CCBE1: variants seen among roughly 807,000 people sequenced by gnomAD.
The protein encoded by CCBE1 is collagen and calcium-binding EGF domain-containing protein 1.
CCBE1 carries 37 observed loss-of-function variants against 50.0 expected under a neutral mutation model. That is an observed-to-expected ratio of 0.74 (90% CI 0.57 to 0.97). The LOEUF (loss-of-function observed/expected upper bound fraction) is 0.97, where lower values mean the gene tolerates loss of function less well. CCBE1 is among the 50% of genes least tolerant of loss of function. The pLI, the probability that CCBE1 is intolerant of heterozygous loss-of-function variation, is 0.00. For synonymous variants in CCBE1, 234 were observed against 203.7 expected (o/e 1.15, Z -1.27); for missense variants, 538 against 523.8 (o/e 1.03, Z -0.26).
rs146136983 is a variant in CCBE1, at chr18:59,622,388, C to T, written c.212+74241G>A. ...GCGGGTGCCTGTAATCTCGGGATTA[C>T]AGCTACTCGGGAGGCTGAGGTAGGA... On this transcript the variant is annotated intron_variant, in intron 2 of 10. Coordinates refer to ENST00000439986, the MANE Select transcript of CCBE1 (RefSeq NM_133459.4). Among the ~76,000 whole-genome samples, 381 of 151,964 alleles carry T rather than the reference C, an allele frequency of 2.5e-3. 2 individuals carry two copies. The highest frequency in any genetic ancestry group is 8.8e-3 in the African/African-American group (363 of 41,412).
intron 2 of CCBE1, among the ~76,000 whole-genome samples, chr18:59,543,784 A>G (rs980570258): frequency 1.1e-4 from 16 of 147,462 alleles, no homozygotes; most frequent in South Asian, 2.2e-4. Flanking sequence ...GCAGTGAGCC[A>G]AGATCGCGCC....
intron 2 of CCBE1, among the ~76,000 whole-genome samples, chr18:59,653,688 A>G (rs2144671476): frequency 6.6e-6 from 1 of 152,310 alleles, no homozygotes; most frequent in South Asian, 2.1e-4. Flanking sequence ...AATAGAGTTA[A>G]AAAAAATTAA....
At chr18:59,644,682 CTG>C (rs1212847430) in intron 2 of CCBE1, among the ~76,000 whole-genome samples, 2 of 152,176 alleles carry the variant, frequency 1.3e-5, no homozygotes, top group African/African-American at 2.4e-5. Flanking sequence ...GGGGAAATGT[CTG>C]TGTGTACACA....
chr18:59,616,916 A>T (rs550598346), intron 2 of CCBE1, among the ~76,000 whole-genome samples: 2 of 152,270 alleles, frequency 1.3e-5, no homozygotes, highest in East Asian at 3.9e-4. Flanking sequence ...TTCAGCTTTC[A>T]CATCTGCTAA....
chr18:59,586,876 C>T (rs955118724), intron 2 of CCBE1, among the ~76,000 whole-genome samples: 4 of 152,154 alleles, frequency 2.6e-5, no homozygotes, highest in Non-Finnish European at 4.4e-5. Flanking sequence ...CCTGATAAAG[C>T]ATTCTGCAAA....
At position 59,535,237 on chromosome 18, in the gene CCBE1, G is replaced by A. The variant is rs572092949; in HGVS notation, c.213-54999C>T. ...GTCAACGCTGGTGAGCTGAGACTGT[G>A]CTGGAGGCTTGACAAGAAGATGGTA... On this transcript the variant is annotated intron_variant, in intron 2 of 10. Transcript: ENST00000439986. 5.3e-5 allele frequency among the ~76,000 whole-genome samples: 8 copies of A among 152,312 alleles called. No homozygotes were observed. The Middle Eastern group carries it at 0.01, about 194-fold the overall frequency.
intron 2 of CCBE1, among the ~76,000 whole-genome samples, chr18:59,529,096 C>T (rs1914944640): frequency 6.6e-6 from 1 of 152,220 alleles, no homozygotes; most frequent in Non-Finnish European, 1.5e-5. Flanking sequence ...CCACAAAGAC[C>T]ACGGCTGTTC....
At chr18:59,491,863 C>G (rs35781152) in intron 2 of CCBE1, among the ~76,000 whole-genome samples, 13,923 of 135,450 alleles carry the variant, frequency 0.1, 1,526 homozygotes, top group East Asian at 0.56. Context: ...GGTCTATTCC[C>G]CAGCTAAGGT....
At chr18:59,590,632 T>C (rs1249627062) in intron 2 of CCBE1, among the ~76,000 whole-genome samples, 2 of 152,200 alleles carry the variant, frequency 1.3e-5, no homozygotes, top group Non-Finnish European at 2.9e-5. Context: ...AACCGCATCT[T>C]AAGTTAAAAC....
intron 2 of CCBE1, among the ~76,000 whole-genome samples, chr18:59,628,833 C>T (rs2144621688): frequency 6.6e-6 from 1 of 152,274 alleles, no homozygotes; most frequent in South Asian, 2.1e-4. Context: ...TAGCTATAAC[C>T]AAAAACTCAG....
Position 59,697,405 on chromosome 18 carries a change from C to A in CCBE1, c.-63G>T, listed in dbSNP as rs1485082750. On this transcript the variant is annotated 5_prime_UTR_variant, in exon 1 of 11. Transcript: ENST00000439986. Reference sequence around the variant, plus strand: ...GTCCGGACCAAGCGTCCTGCTCCTCCGCGGCCGCCGCCGCCTTCCCTCTTC... The same window carrying A: ...GTCCGGACCAAGCGTCCTGCTCCTCAGCGGCCGCCGCCGCCTTCCCTCTTC... 6 of 1,511,404 alleles carry A rather than the reference C, an allele frequency of 4.0e-6. No individual in the cohort carries two copies. The highest frequency in any genetic ancestry group is 4.4e-6 in the Non-Finnish European group (5 of 1,131,836). 93.6% of individuals were successfully genotyped at this position (1,511,404 alleles called of 1,614,324 possible).
chr18:59,648,742 G>A (rs529159323), intron 2 of CCBE1, among the ~76,000 whole-genome samples: 3 of 152,134 alleles, frequency 2.0e-5, no homozygotes, highest in Non-Finnish European at 4.4e-5. Context: ...GCTGGAACAG[G>A]GCAACTTTTG....
At chr18:59,440,735 G>A (rs146325581) in intron 7 of CCBE1, among the ~76,000 whole-genome samples, 1 of 152,084 alleles carries the variant, frequency 6.6e-6, no homozygotes, top group Non-Finnish European at 1.5e-5. Flanking sequence ...GATGAGTTGG[G>A]GGATATGGGG....
intron 2 of CCBE1, among the ~76,000 whole-genome samples, chr18:59,693,003 C>CAA (rs1555710565): frequency 1.4e-5 from 2 of 145,970 alleles, no homozygotes; most frequent in African/African-American, 5.2e-5. Context: ...CACACACACA[C>CAA]AAACAAAAAA....
chr18:59,599,048 T>A (rs2053394347), intron 2 of CCBE1, among the ~76,000 whole-genome samples: 2 of 152,230 alleles, frequency 1.3e-5, no homozygotes, highest in Non-Finnish European at 2.9e-5. Flanking sequence ...TACTGCTACT[T>A]TTCCTCCTCC....
chr18:59,523,199 G>T (rs975240684), intron 2 of CCBE1, among the ~76,000 whole-genome samples: 1 of 151,552 alleles, frequency 6.6e-6, no homozygotes, highest in African/African-American at 2.4e-5. Context: ...CTTAAACATG[G>T]ACAGTTGAAG....
intron 2 of CCBE1, among the ~76,000 whole-genome samples, chr18:59,499,146 G>C (rs1477223916): frequency 1.3e-5 from 2 of 152,208 alleles, no homozygotes; most frequent in South Asian, 4.1e-4. Flanking sequence ...AGTCAAGCAA[G>C]AGCCCACAAA....
intron 2 of CCBE1, among the ~76,000 whole-genome samples, chr18:59,654,116 C>G (rs936459737): frequency 6.6e-6 from 1 of 152,112 alleles, no homozygotes; most frequent in Non-Finnish European, 1.5e-5. Flanking sequence ...TGTTTAATGG[C>G]CAAGTACTGA....
intron 2 of CCBE1, among the ~76,000 whole-genome samples, chr18:59,622,397 G>A (rs1223351956): frequency 2.0e-5 from 3 of 152,024 alleles, no homozygotes; most frequent in Admixed American, 6.6e-5. Context: ...ACAGCTACTC[G>A]GGAGGCTGAG....
Sources: gnomAD v4.1 joint callset for allele counts (sites outside exome capture counted in the v4.1 genomes callset) on GRCh38, gnomAD v4.1.1 for gene constraint, MANE v1.5 for transcripts, NCBI Gene and HGNC (gene_info 2026-07-23, HGNC 2026-07-21) for gene names.